The following TTC17 variants were observed in gnomAD, a reference collection of about 807,000 sequenced individuals.
TTC17 encodes tetratricopeptide repeat protein 17.
In TTC17, 58 loss-of-function variants were observed where a neutral mutation model predicts 143.8. The ratio of observed to expected loss-of-function variants is 0.40; its 90% confidence interval spans 0.33 to 0.50. The LOEUF (loss-of-function observed/expected upper bound fraction) is 0.50, where lower values mean the gene tolerates loss of function less well. TTC17 is among the 20% of genes least tolerant of loss of function. TTC17 has a pLI of 0.49. For missense variants in TTC17, 1,273 were observed against 1,392.5 expected, an observed-to-expected ratio of 0.91 and a Z score of 1.37; for synonymous variants, 501 against 497.8, an observed-to-expected ratio of 1.01 and a Z score of -0.09.
At chr11:43,399,855 TCTAA>T (rs1857774382) in intron 8 of TTC17, 29 bp from the exon 9 acceptor site, 2 of 1,571,460 alleles carry the variant, frequency 1.3e-6, no homozygotes, top group Non-Finnish European at 8.6e-7. Context: ...ATTTTATAGC[TCTAA>T]CTTTTTCCTG....
rs200854514 is a variant in TTC17 at position 43,405,910 on chromosome 11, A to G, written c.1720A>G (p.Met574Val). The G allele has an allele frequency of 3.1e-6, 5 of 1,613,812 alleles. No individual in the cohort carries two copies. Among genetic ancestry groups the G allele is most frequent in the East Asian group, 2.2e-5 (1 of 44,878 alleles). Residue 574 changes from methionine (M) to valine (V), a missense_variant, in exon 13 of 24, where the codon ATG (methionine) becomes GTG (valine). By Grantham distance (21) the Met-to-Val change is conservative. Coordinates refer to ENST00000039989, the MANE Select transcript of TTC17 (RefSeq NM_018259.6). ...CTTAGTCAAAGAATTAGAGGTTCGCATGGATCTGAAAGCCAAAATGCCAGA... is the reference window on the plus strand; with the variant it reads ...CTTAGTCAAAGAATTAGAGGTTCGCGTGGATCTGAAAGCCAAAATGCCAGA... Reference protein sequence around the residue: ...SYLVKELEVRMDLKAKMPDDH... With the variant: ...SYLVKELEVRVDLKAKMPDDH...
At position 43,391,546 on chromosome 11, in the gene TTC17, A is replaced by G. The variant is rs138517922; in HGVS notation, c.501A>G (p.Pro167=). Residue 167 remains proline (P), a synonymous_variant, in exon 4 of 24, where the codon CCA becomes CCG. Transcript: ENST00000039989. ...ATTGTACTAAAATTCTAGAACTTCC[A>G]TATAGTATACATGCTTTTCAGCACT... ...QPDCTKILEL[P]YSIHAFQHLR... 12 of 1,602,026 alleles carry G rather than the reference A, an allele frequency of 7.5e-6. No individual in the cohort carries two copies. Among genetic ancestry groups the G allele is most frequent in the African/African-American group, 1.4e-5 (1 of 73,804 alleles).
At chr11:43,396,551 T>C (rs1431598689) in intron 5 of TTC17, 158 bp from the exon 6 acceptor site, 9 of 429,830 alleles carry the variant, frequency 2.1e-5, no homozygotes, top group Non-Finnish European at 4.2e-6. Flanking sequence ...TATAGTTTCT[T>C]TGCACTGTGT....
intron 16 of TTC17, among the ~76,000 whole-genome samples, 177 bp downstream of exon 16, chr11:43,414,953 T>TTAAG (rs1243457038): frequency 2.0e-5 from 3 of 152,178 alleles, no homozygotes; most frequent in Non-Finnish European, 4.4e-5. Context: ...CCTTAGGGTA[T>TTAAG]TAAGGCTTAA....
intron 21 of TTC17, among the ~76,000 whole-genome samples, chr11:43,460,599 C>T (rs939422735): frequency 6.6e-6 from 1 of 152,202 alleles, no homozygotes; most frequent in Non-Finnish European, 1.5e-5. Flanking sequence ...CAAATCACCC[C>T]AAAATTTACT....
chr11:43,401,418 A>T (rs769798842), intron 9 of TTC17, 28 bp from the exon 10 acceptor site: 2 of 1,504,662 alleles, frequency 1.3e-6, no homozygotes, highest in African/African-American at 2.8e-5. Context: ...CTTGCTCATC[A>T]TTTGTGTAAT....
At chr11:43,461,151 G>A (rs1048695385) in intron 21 of TTC17, among the ~76,000 whole-genome samples, 4 of 152,130 alleles carry the variant, frequency 2.6e-5, no homozygotes, top group East Asian at 1.9e-4. Flanking sequence ...TTGGGAGGCC[G>A]AGGCGGGTGG....
At chr11:43,371,668 G>C (rs947322768) in intron 1 of TTC17, among the ~76,000 whole-genome samples, 1 of 152,138 alleles carries the variant, frequency 6.6e-6, no homozygotes, top group African/African-American at 2.4e-5. Context: ...TCTCACCAGA[G>C]GTTAAGGGGT....
chr11:43,375,241 A>G (rs1856719309), intron 1 of TTC17, among the ~76,000 whole-genome samples: 1 of 152,198 alleles, frequency 6.6e-6, no homozygotes, highest in African/African-American at 2.4e-5. Flanking sequence ...GTAGTATCTC[A>G]GAAATAATCA....
chr11:43,403,693 A>T (rs1030980727), intron 10 of TTC17, among the ~76,000 whole-genome samples: 2 of 152,212 alleles, frequency 1.3e-5, no homozygotes, highest in Non-Finnish European at 2.9e-5. Context: ...CAGATTTCTC[A>T]ATTAGCTAAT....
intron 9 of TTC17, among the ~76,000 whole-genome samples, chr11:43,400,447 T>C (rs1857803875): frequency 6.6e-6 from 1 of 152,158 alleles, no homozygotes; most frequent in African/African-American, 2.4e-5. Flanking sequence ...TCCCAGGTGA[T>C]GCTTGTTGCC....
At chr11:43,405,652 A>C in intron 12 of TTC17, 23 bp downstream of exon 12, 1 of 1,613,006 alleles carries the variant, frequency 6.2e-7, no homozygotes, top group Non-Finnish European at 8.5e-7. Context: ...GGATTTGGCA[A>C]AGCACCTGAT....
intron 21 of TTC17, among the ~76,000 whole-genome samples, chr11:43,487,586 A>G (rs1948403310): frequency 6.6e-6 from 1 of 152,276 alleles, no homozygotes; most frequent in Non-Finnish European, 1.5e-5. Context: ...ATGCTGACAC[A>G]TTATTTGAGG....
intron 21 of TTC17, among the ~76,000 whole-genome samples, chr11:43,458,026 G>T (rs1403315865): frequency 6.6e-6 from 1 of 152,158 alleles, no homozygotes; most frequent in African/African-American, 2.4e-5. Context: ...TAAGAGCCAG[G>T]AGGAAAAATA....
chr11:43,381,754 A>G (rs963257510), intron 2 of TTC17, among the ~76,000 whole-genome samples: 10 of 152,174 alleles, frequency 6.6e-5, no homozygotes, highest in Admixed American at 6.5e-5. Flanking sequence ...CCACAAAACT[A>G]TGAGACCTAG....
rs1271454544 is a variant in TTC17 at position 43,446,014 on chromosome 11, A to C, written c.2665+1805A>C. Reference sequence around the variant, plus strand: ...AAGGCATTTAACAGAGCCTCTTATGATATCCTTGTGAACCAGATGGAGAGA... The same window carrying C: ...AAGGCATTTAACAGAGCCTCTTATGCTATCCTTGTGAACCAGATGGAGAGA... On this transcript the variant is annotated intron_variant, in intron 18 of 23. Transcript: ENST00000039989. The C allele has an allele frequency of 1.0e-5, 16 of 1,534,158 alleles. 1 individual carries two copies. In the South Asian group the frequency reaches 1.4e-4, roughly 14 times the overall value.
Position 43,407,516 on chromosome 11 carries a change from A to G in TTC17, c.2003A>G (p.Tyr668Cys). 1 of 1,614,024 alleles carries G rather than the reference A, an allele frequency of 6.2e-7. No homozygotes were observed. Among genetic ancestry groups the G allele is most frequent in the Non-Finnish European group, 8.5e-7 (1 of 1,179,970 alleles). Residue 668 changes from tyrosine (Y) to cysteine (C), a missense_variant, in exon 15 of 24, where the codon TAC (tyrosine) becomes TGC (cysteine). Tyr to Cys is a radical substitution (Grantham distance 194). Transcript: ENST00000039989. Reference sequence around the variant, plus strand: ...AACTTGGCCAACCTTTTGATTCATTACGGCCTTCATCTTGATGCCACTAAG... The same window carrying G: ...AACTTGGCCAACCTTTTGATTCATTGCGGCCTTCATCTTGATGCCACTAAG... ...LVNLANLLIH[Y>C]GLHLDATKLL...
intron 16 of TTC17, among the ~76,000 whole-genome samples, chr11:43,419,386 A>T (rs950312496): frequency 3.3e-5 from 5 of 152,204 alleles, no homozygotes; most frequent in African/African-American, 1.2e-4. Context: ...TATTTATAGC[A>T]TCTATTTATG....
At chr11:43,447,363 G>T (rs1426322786) in intron 18 of TTC17, among the ~76,000 whole-genome samples, 1 of 152,178 alleles carries the variant, frequency 6.6e-6, no homozygotes, top group Non-Finnish European at 1.5e-5. Context: ...TGGTGGTGTG[G>T]TGGGGGCTGG....
Sources: allele counts gnomAD v4.1 joint callset (sites outside exome capture counted in the v4.1 genomes callset), GRCh38; gene constraint gnomAD v4.1.1; transcripts MANE v1.5; gene names NCBI Gene and HGNC (gene_info 2026-07-23, HGNC 2026-07-21).